Variants in PGBD5 observed in about 807,000 individuals in gnomAD.
The protein encoded by PGBD5 is piggyBac transposable element-derived protein 5.
In PGBD5, 14 loss-of-function variants were observed where a neutral mutation model predicts 47.9. That is an observed-to-expected ratio of 0.29 (90% CI 0.19 to 0.46). The LOEUF is 0.46. Ranked by LOEUF, PGBD5 falls within the 20% of genes least tolerant of loss-of-function variation. The pLI is 1.00. For missense variants in PGBD5, 635 were observed against 716.0 expected, an observed-to-expected ratio of 0.89 and a Z score of 1.29; for synonymous variants, 316 against 306.3, an observed-to-expected ratio of 1.03 and a Z score of -0.33.
chr1:230,409,207 A>T (rs1215499292), intron 1 of PGBD5, among the ~76,000 whole-genome samples: 1 of 152,236 alleles, frequency 6.6e-6, no homozygotes, highest in Non-Finnish European at 1.5e-5. Context: ...AACAGGCATT[A>T]ACAAGTGCTG....
chr1:230,390,402 T>A (rs1656755403), intron 1 of PGBD5, among the ~76,000 whole-genome samples: 1 of 152,062 alleles, frequency 6.6e-6, no homozygotes, highest in African/African-American at 2.4e-5. Flanking sequence ...CCAACCCCTC[T>A]CACCTCACCT....
At chr1:230,332,143 T>C (rs1034195624) in intron 5 of PGBD5, among the ~76,000 whole-genome samples, 14 of 68,340 alleles carry the variant, frequency 2.0e-4, no homozygotes, top group African/African-American at 6.9e-4. Context: ...CAGTGTTCCT[T>C]TACAAGTGAA....
rs1320250752 is a variant in PGBD5 at position 230,323,385 on chromosome 1, C to T, written c.*40G>A. The T allele has an allele frequency of 1.3e-6, 2 of 1,589,006 alleles. No individual in the cohort carries two copies. Among genetic ancestry groups the T allele is most frequent in the Admixed American group, 1.7e-5 (1 of 57,648 alleles). On this transcript the variant is annotated 3_prime_UTR_variant, in exon 7 of 7. Coordinates refer to ENST00000391860, the MANE Select transcript of PGBD5 (RefSeq NM_001258311.2). The surrounding 1 kb of genome is among the most constrained non-coding windows in gnomAD (Gnocchi z 4.1). ...AGTTGGAACGGCAGGCTCTCCTCCTCCTCTTGCCCCTCCCTTGACCGAGTC... is the reference window on the plus strand; with the variant it reads ...AGTTGGAACGGCAGGCTCTCCTCCTTCTCTTGCCCCTCCCTTGACCGAGTC...
chr1:230,373,697 G>A (rs192387648), intron 1 of PGBD5, among the ~76,000 whole-genome samples: 1 of 152,224 alleles, frequency 6.6e-6, no homozygotes, highest in African/African-American at 2.4e-5. Context: ...ATACATGTGA[G>A]GTTTTTTCTT....
At chr1:230,358,456 G>A (rs1314573797) in intron 1 of PGBD5, among the ~76,000 whole-genome samples, 1 of 151,984 alleles carries the variant, frequency 6.6e-6, no homozygotes, top group Non-Finnish European at 1.5e-5. Flanking sequence ...TTCATTAAAC[G>A]TTCCCTATGT....
chr1:230,367,046 C>T (rs542515723), intron 1 of PGBD5, among the ~76,000 whole-genome samples: 3 of 152,078 alleles, frequency 2.0e-5, no homozygotes, highest in Admixed American at 6.6e-5. Context: ...TCATACACAG[C>T]GACCCACTGA....
rs758061783 is a variant in PGBD5 at position 230,351,112 on chromosome 1, A to G, written c.760-20T>C. The G allele has an allele frequency of 1.2e-6, 2 of 1,606,378 alleles. No individual in the cohort carries two copies. Among genetic ancestry groups the G allele is most frequent in the Non-Finnish European group, 1.7e-6 (2 of 1,176,938 alleles). ...TAGCACCTGCCAGGAGGGAAAAAGC[A>G]GAGGCTCTCACGGAAGGCAGCATGA... On this transcript the variant is annotated intron_variant, in intron 2 of 6. Transcript: ENST00000391860.
intron 1 of PGBD5, among the ~76,000 whole-genome samples, chr1:230,383,113 A>G (rs1656552337): frequency 6.6e-6 from 1 of 152,196 alleles, no homozygotes; most frequent in Admixed American, 6.5e-5. Flanking sequence ...TCTGTCACCC[A>G]GGCCAGTGTG....
chr1:230,389,394 G>A lies in PGBD5; in HGVS notation c.332-32073C>T, dbSNP rs183275855. ...CACCATGTTGGCCAGTCTGGTCTCG[G>A]ACTCCTGACCTCAGGTGATCCACCC... On this transcript the variant is annotated intron_variant, in intron 1 of 6. Transcript: ENST00000391860. Among the ~76,000 whole-genome samples the A allele has an allele frequency of 6.6e-5, 10 of 151,852 alleles. No homozygotes were observed. The East Asian group carries it at 1.7e-3, about 27-fold the overall frequency.
rs544993996 is a variant in PGBD5, at chr1:230,417,671, G to A, written c.331+7927C>T. On this transcript the variant is annotated intron_variant, in intron 1 of 6. Transcript: ENST00000391860. ...AGGGGCCACCTCCTCCAGAAATGCC[G>A]CCTCTTCTCCAACCCAGCTGGAGGA... Among the ~76,000 whole-genome samples, 22 of 152,194 alleles carry A rather than the reference G, an allele frequency of 1.4e-4. No individual in the cohort carries two copies. In the East Asian group the frequency reaches 3.1e-3, roughly 21 times the overall value.
At chr1:230,352,766 G>C (rs942478767) in intron 2 of PGBD5, among the ~76,000 whole-genome samples, 1 of 152,100 alleles carries the variant, frequency 6.6e-6, no homozygotes, top group Non-Finnish European at 1.5e-5. Flanking sequence ...GCCCCATTTG[G>C]AACTATTCAA....
In PGBD5 at chr1:230,315,916, G is replaced by A. The variant is rs1341181923; in HGVS notation, c.*7509C>T. ...TTTATGTGTACACATATATGTATAT[G>A]TGTATATGTGTACACATATATGTAT... On this transcript the variant is annotated 3_prime_UTR_variant, in exon 7 of 7. Transcript: ENST00000391860. 18 of 141,300 alleles carry A rather than the reference G, an allele frequency of 1.3e-4. 4 individuals are homozygous for A. Among genetic ancestry groups the A allele is most frequent in the African/African-American group, 4.5e-4 (16 of 35,206 alleles). 8.8% of individuals were successfully genotyped at this position (141,300 alleles called of 1,614,324 possible).
chr1:230,317,254 A>C lies in PGBD5; in HGVS notation c.*6171T>G, dbSNP rs1666964434. 1 of 152,356 alleles carries C rather than the reference A, an allele frequency of 6.6e-6. No homozygotes were observed. Among genetic ancestry groups the C allele is most frequent in the East Asian group, 1.9e-4 (1 of 5,196 alleles). The allele number at this position is 152,356 out of a possible 1,614,324, so 9.4% of individuals were successfully genotyped here. ...CTTAGCACAATGCCTGGCCTGTAGC[A>C]GTTCAGAAGCAGCAGTGGCTGAGAA... On this transcript the variant is annotated 3_prime_UTR_variant, in exon 7 of 7. Coordinates refer to ENST00000391860, the MANE Select transcript of PGBD5 (RefSeq NM_001258311.2).
At chr1:230,361,879 T>C (rs577838741) in intron 1 of PGBD5, among the ~76,000 whole-genome samples, 2 of 152,346 alleles carry the variant, frequency 1.3e-5, no homozygotes, top group East Asian at 3.9e-4. Flanking sequence ...GAAGGCTTCC[T>C]GGAGGCCTTG....
At chr1:230,335,022 GAC>G (rs1667280138) in intron 4 of PGBD5, among the ~76,000 whole-genome samples, 1 of 138,738 alleles carries the variant, frequency 7.2e-6, no homozygotes, top group African/African-American at 2.7e-5. Flanking sequence ...TACCCCACTC[GAC>G]ACAGACACAC....
chr1:230,410,733 T>TA (rs1009981118), intron 1 of PGBD5, among the ~76,000 whole-genome samples: 1 of 152,018 alleles, frequency 6.6e-6, no homozygotes, highest in Admixed American at 6.6e-5. Flanking sequence ...ATTTTACAAA[T>TA]AAAAAGGAAC....
chr1:230,401,408 T>G (rs1401983959), intron 1 of PGBD5, among the ~76,000 whole-genome samples: 1 of 152,142 alleles, frequency 6.6e-6, no homozygotes. Context: ...CATGGGGAAC[T>G]CCCAGCTTGT....
intron 1 of PGBD5, among the ~76,000 whole-genome samples, chr1:230,413,332 G>T (rs1272040517): frequency 6.6e-6 from 1 of 152,066 alleles, no homozygotes; most frequent in Non-Finnish European, 1.5e-5. Flanking sequence ...GAGCTGTTAG[G>T]GAGCAGAATT....
At chr1:230,381,662 G>A (rs1450867050) in intron 1 of PGBD5, among the ~76,000 whole-genome samples, 1 of 152,164 alleles carries the variant, frequency 6.6e-6, no homozygotes, top group Non-Finnish European at 1.5e-5. Flanking sequence ...TGAATTCCTT[G>A]TTCCATGAGC....
Sources: gnomAD v4.1 joint callset for allele counts (sites outside exome capture counted in the v4.1 genomes callset) on GRCh38, gnomAD v4.1.1 for gene constraint, Gnocchi (gnomAD v3.1) non-coding constraint, MANE v1.5 for transcripts, NCBI Gene and HGNC (gene_info 2026-07-23, HGNC 2026-07-21) for gene names.